IGSF21: variants seen among roughly 807,000 people sequenced by gnomAD.
The protein encoded by IGSF21 is immunoglobin superfamily member 21, also known as immunoglobulin superfamily member 21.
In IGSF21, 28 loss-of-function variants were observed where a neutral mutation model predicts 46.8. The ratio of observed to expected loss-of-function variants is 0.60; its 90% confidence interval spans 0.44 to 0.82. The LOEUF (loss-of-function observed/expected upper bound fraction) is 0.82, where lower values mean the gene tolerates loss of function less well. Ranked by LOEUF, IGSF21 falls within the 40% of genes least tolerant of loss-of-function variation. The pLI, the probability that IGSF21 is intolerant of heterozygous loss-of-function variation, is 0.00. For synonymous variants in IGSF21, 284 were observed against 273.6 expected (o/e 1.04, Z -0.38); for missense variants, 624 against 665.5 (o/e 0.94, Z 0.69).
At chr1:18,179,151 C>G (rs74055952) in intron 1 of IGSF21, 221 of 152,326 alleles carry the variant, frequency 1.5e-3, no homozygotes, top group African/African-American at 5.2e-3. Context: ...CATTGGTCAC[C>G]TCGTTCCTGT....
chr1:18,224,721 G>A (rs1452125908), intron 1 of IGSF21, among the ~76,000 whole-genome samples: 4 of 152,088 alleles, frequency 2.6e-5, no homozygotes, highest in African/African-American at 4.8e-5. Context: ...GGGAAGAACG[G>A]GTTTAATTAT....
chr1:18,133,117 G>A (rs773073739), intron 1 of IGSF21, among the ~76,000 whole-genome samples: 16 of 152,348 alleles, frequency 1.1e-4, no homozygotes, highest in Middle Eastern at 3.4e-3. Context: ...TTTGTGGATT[G>A]CTAAAATTAG....
chr1:18,332,647 G>A (rs1040475691), intron 3 of IGSF21, among the ~76,000 whole-genome samples: 10 of 152,164 alleles, frequency 6.6e-5, no homozygotes, highest in African/African-American at 1.9e-4. Flanking sequence ...CTGTTCCCAT[G>A]TCACTGCGCT....
intron 1 of IGSF21, chr1:18,111,618 A>G (rs541823782): frequency 6.6e-6 from 1 of 152,310 alleles, no homozygotes; most frequent in East Asian, 1.9e-4. Flanking sequence ...CTAGTATTGT[A>G]GCTGGGGTTT....
intron 1 of IGSF21, among the ~76,000 whole-genome samples, chr1:18,143,447 A>G (rs968365862): frequency 6.6e-6 from 1 of 151,912 alleles, no homozygotes; most frequent in Non-Finnish European, 1.5e-5. Flanking sequence ...AGAACTCTCC[A>G]TGGCTCCCCA....
intron 1 of IGSF21, 65 bp from the exon 2 acceptor site, chr1:18,227,833 C>A: frequency 8.5e-7 from 1 of 1,176,192 alleles, no homozygotes; most frequent in Non-Finnish European, 1.3e-6. Context: ...CTGGCCCTGC[C>A]CTCATCAGCC....
Position 18,291,919 on chromosome 1 carries a change from C to T in IGSF21, c.237C>T (p.Phe79=), listed in dbSNP as rs754724109. The T allele has an allele frequency of 6.2e-7, 1 of 1,614,086 alleles. No homozygotes were observed. The highest frequency in any genetic ancestry group is 1.1e-5 in the South Asian group (1 of 91,062). The change falls in exon 3 of 10, where the codon TTC becomes TTT. Residue 79 remains phenylalanine (F), a synonymous_variant. Coordinates refer to ENST00000251296, the MANE Select transcript of IGSF21 (RefSeq NM_032880.5). ...AGATCTTCACCTTCGACGCCATGTT[C>T]TCCACCAACTACTCACACATGGAGA... ...KQKIFTFDAM[F]STNYSHMENY...
chr1:18,108,118 T>C lies in IGSF21; in HGVS notation c.-11T>C. 1 of 1,328,054 alleles carries C rather than the reference T, an allele frequency of 7.5e-7. No homozygotes were observed. Among genetic ancestry groups the C allele is most frequent in the Non-Finnish European group, 9.9e-7 (1 of 1,012,372 alleles). The allele number at this position is 1,328,054 out of a possible 1,614,324, so 82.3% of individuals were successfully genotyped here. On this transcript the variant is annotated 5_prime_UTR_variant, in exon 1 of 10. Transcript: ENST00000251296. ...CCGCCGCCCCGCCACCGCCGCCAGC[T>C]CCCGGGCACCATGCGAACCGCCCCG...
chr1:18,205,303 A>G (rs965637684), intron 1 of IGSF21, among the ~76,000 whole-genome samples: 1 of 152,212 alleles, frequency 6.6e-6, no homozygotes, highest in Non-Finnish European at 1.5e-5. Flanking sequence ...ATAAACATAT[A>G]TGATTCTTGA....
At chr1:18,326,959 A>C (rs1374700501) in intron 3 of IGSF21, among the ~76,000 whole-genome samples, 2 of 152,172 alleles carry the variant, frequency 1.3e-5, no homozygotes, top group African/African-American at 2.4e-5. Flanking sequence ...GCCAAGCAAG[A>C]CAGTGGGGTG....
rs1245374863 is a variant in IGSF21, at chr1:18,337,647, C to A, written c.424+2637C>A. 6.6e-6 allele frequency among the ~76,000 whole-genome samples: 1 copy of A among 152,140 alleles called. No homozygotes were observed. Among genetic ancestry groups the A allele is most frequent in the African/African-American group, 2.4e-5 (1 of 41,428 alleles). On this transcript the variant is annotated intron_variant, in intron 4 of 9. Transcript: ENST00000251296. This position sits in a 1 kb window ranked among gnomAD's most constrained non-coding sequence, Gnocchi z 5.7. ...AGAGACAGGGGTCTCTCCTTACTCA[C>A]CTTCTCTGGGCTTCTTCCCCAAAGG...
intron 2 of IGSF21, among the ~76,000 whole-genome samples, chr1:18,270,378 A>T (rs2085030907): frequency 6.6e-6 from 1 of 152,070 alleles, no homozygotes; most frequent in Non-Finnish European, 1.5e-5. Context: ...TGGGCAGAGG[A>T]TGGGGGTGGG....
At chr1:18,203,511 G>A (rs2087097592) in intron 1 of IGSF21, among the ~76,000 whole-genome samples, 1 of 152,244 alleles carries the variant, frequency 6.6e-6, no homozygotes, top group South Asian at 2.1e-4. Context: ...GTTTCACCAT[G>A]TTGGCCAGGT....
intron 5 of IGSF21, among the ~76,000 whole-genome samples, chr1:18,363,095 T>C (rs2086119686): frequency 6.6e-6 from 1 of 152,222 alleles, no homozygotes; most frequent in African/African-American, 2.4e-5. Flanking sequence ...TCACTCTCAT[T>C]GCACCTGAAG....
intron 1 of IGSF21, among the ~76,000 whole-genome samples, chr1:18,146,632 C>T (rs1421768274): frequency 2.0e-5 from 3 of 152,150 alleles, no homozygotes; most frequent in African/African-American, 4.8e-5. Flanking sequence ...AGGAACTGAG[C>T]GTTCAGCCTT....
chr1:18,342,064 TTTTTGTTTG>T (rs752863157), intron 4 of IGSF21, among the ~76,000 whole-genome samples: 2 of 124,982 alleles, frequency 1.6e-5, no homozygotes, highest in Non-Finnish European at 3.8e-5. Context: ...GTTTTTTTTT[TTTTTGTTTG>T]TTTGTTTGTT....
At chr1:18,266,051 G>T (rs1014557086) in intron 2 of IGSF21, among the ~76,000 whole-genome samples, 2 of 152,132 alleles carry the variant, frequency 1.3e-5, no homozygotes, top group South Asian at 2.1e-4. Flanking sequence ...GATGAGGTGG[G>T]AATGCCCCAG....
In IGSF21 at chr1:18,316,184, G is replaced by A. The variant is rs77829724; in HGVS notation, c.306-18708G>A. Among the ~76,000 whole-genome samples the A allele has an allele frequency of 9.4e-3, 1,433 of 152,310 alleles. 12 individuals are homozygous for A. Among genetic ancestry groups the A allele is most frequent in the Non-Finnish European group, 0.014 (957 of 68,026 alleles). On this transcript the variant is annotated intron_variant, in intron 3 of 9. Transcript: ENST00000251296. Reference sequence around the variant, plus strand: ...TCACAGGGCCTGGGCTTTGCCAGGCGATGATGCAGAGCGGTGGCGGTTAGG... The same window carrying A: ...TCACAGGGCCTGGGCTTTGCCAGGCAATGATGCAGAGCGGTGGCGGTTAGG...
At chr1:18,222,008 G>A (rs989884686) in intron 1 of IGSF21, among the ~76,000 whole-genome samples, 1 of 152,044 alleles carries the variant, frequency 6.6e-6, no homozygotes, top group Non-Finnish European at 1.5e-5. Flanking sequence ...CCAGGAAGAG[G>A]GAAAACTTGC....
Sources: allele counts gnomAD v4.1 joint callset (sites outside exome capture counted in the v4.1 genomes callset), GRCh38; gene constraint gnomAD v4.1.1; non-coding constraint Gnocchi (gnomAD v3.1); transcripts MANE v1.5; gene names NCBI Gene and HGNC (gene_info 2026-07-23, HGNC 2026-07-21).